The following SNTG1 variants were observed in gnomAD, a reference collection of about 807,000 sequenced individuals.
SNTG1 encodes gamma-1-syntrophin.
SNTG1 carries 39 observed loss-of-function variants against 74.7 expected under a neutral mutation model. The observed-to-expected ratio is 0.52, with a 90% CI of 0.40 to 0.68. SNTG1 has a LOEUF of 0.68. Among genes scored for constraint, SNTG1 ranks in the 30% least tolerant of loss-of-function variants. The probability of loss-of-function intolerance (pLI) is 0.00; values close to 1 mark genes in which losing one functional copy is unlikely to be tolerated. For synonymous variants in SNTG1, 254 were observed against 217.1 expected (o/e 1.17, Z -1.49); for missense variants, 685 against 609.5 (o/e 1.12, Z -1.30).
intron 9 of SNTG1, among the ~76,000 whole-genome samples, chr8:50,507,834 C>G (rs768463563): frequency 5.9e-5 from 9 of 151,792 alleles, no homozygotes; most frequent in Non-Finnish European, 8.8e-5. Context: ...TCCCTTCCCC[C>G]TCCCCACACC....
chr8:50,430,405 C>T (rs1382169674), intron 4 of SNTG1, among the ~76,000 whole-genome samples: 2 of 152,170 alleles, frequency 1.3e-5, no homozygotes, highest in African/African-American at 4.8e-5. Context: ...TTAGCCTCCT[C>T]ATCTTGCTTA....
intron 17 of SNTG1, among the ~76,000 whole-genome samples, chr8:50,714,035 G>A (rs546492924): frequency 4.2e-4 from 63 of 149,594 alleles, no homozygotes; most frequent in African/African-American, 1.5e-3. Flanking sequence ...CTCCAGCCTG[G>A]GTGACAGTGT....
At chr8:50,691,792 G>A (rs1306600802) in intron 15 of SNTG1, among the ~76,000 whole-genome samples, 1 of 151,996 alleles carries the variant, frequency 6.6e-6, no homozygotes, top group Non-Finnish European at 1.5e-5. Flanking sequence ...TTGAATGTTG[G>A]CCTGCCTTGC....
intron 12 of SNTG1, among the ~76,000 whole-genome samples, chr8:50,565,319 T>TG (rs1415489963): frequency 6.6e-6 from 1 of 152,004 alleles, no homozygotes; most frequent in Admixed American, 6.6e-5. Flanking sequence ...GAAAAGAGTA[T>TG]GGACTTTCGT....
chr8:50,625,974 T>C (rs11991826), intron 13 of SNTG1, among the ~76,000 whole-genome samples: 10,001 of 152,192 alleles, frequency 0.066, 901 homozygotes, highest in African/African-American at 0.2. Flanking sequence ...TGGTGGTGGA[T>C]TTTTTTACAC....
intron 15 of SNTG1, among the ~76,000 whole-genome samples, chr8:50,659,569 T>C (rs561694648): frequency 1.3e-5 from 2 of 152,348 alleles, no homozygotes; most frequent in Admixed American, 1.3e-4. Flanking sequence ...AAATTGTTTA[T>C]AGTTTCTGTT....
chr8:50,072,739 T>A (rs1352038757), intron 1 of SNTG1, among the ~76,000 whole-genome samples: 5 of 152,118 alleles, frequency 3.3e-5, no homozygotes, highest in African/African-American at 1.2e-4. Context: ...CAGGCATACC[T>A]CAGGGATATC....
chr8:50,466,631 A>G (rs2093610795), intron 8 of SNTG1, among the ~76,000 whole-genome samples: 1 of 152,048 alleles, frequency 6.6e-6, no homozygotes, highest in Non-Finnish European at 1.5e-5. Flanking sequence ...TGAGAAAATC[A>G]GCATCTAAGC....
At position 50,483,302 on chromosome 8, in the gene SNTG1, T is replaced by C. The variant is rs562066400; in HGVS notation, c.364-19476T>C. 1.3e-3 allele frequency among the ~76,000 whole-genome samples: 199 copies of C among 152,290 alleles called. 2 individuals carry two copies. Among genetic ancestry groups the C allele is most frequent in the African/African-American group, 4.5e-3 (186 of 41,566 alleles). On this transcript the variant is annotated intron_variant, in intron 8 of 18. Coordinates refer to ENST00000642720, the MANE Select transcript of SNTG1 (RefSeq NM_018967.5). ...AGTGACTATGAAGTGATAGAATGGA[T>C]CTATGTATTTTTTTTCATGTATTAA...
chr8:50,273,545 T>C (rs2087905502), intron 2 of SNTG1, among the ~76,000 whole-genome samples: 1 of 152,184 alleles, frequency 6.6e-6, no homozygotes, highest in African/African-American at 2.4e-5. Flanking sequence ...ATTTTAAGCA[T>C]TATGAATAAA....
chr8:50,642,365 C>T (rs990930618), intron 13 of SNTG1, among the ~76,000 whole-genome samples: 4 of 152,140 alleles, frequency 2.6e-5, no homozygotes, highest in East Asian at 3.9e-4. Flanking sequence ...CCAGTCAAAA[C>T]GCACATTAAA....
intron 8 of SNTG1, among the ~76,000 whole-genome samples, chr8:50,496,023 T>C (rs1234689957): frequency 3.3e-5 from 5 of 152,222 alleles, no homozygotes; most frequent in Non-Finnish European, 2.9e-5. Flanking sequence ...TTTCCACGTA[T>C]AGTCAGTATT....
At chr8:50,061,709 T>C (rs1820486860) in intron 1 of SNTG1, among the ~76,000 whole-genome samples, 1 of 152,166 alleles carries the variant, frequency 6.6e-6, no homozygotes, top group Non-Finnish European at 1.5e-5. Flanking sequence ...GAGTTTTATA[T>C]ATTTTTAGAT....
intron 2 of SNTG1, among the ~76,000 whole-genome samples, chr8:50,344,752 C>T (rs1023473420): frequency 7.9e-5 from 12 of 152,314 alleles, no homozygotes; most frequent in African/African-American, 2.9e-4. Flanking sequence ...TTGAGTACTG[C>T]CCCTCTGGTG....
intron 15 of SNTG1, among the ~76,000 whole-genome samples, chr8:50,701,586 C>CTCTTCTTCTTCTTCTTCT: frequency 6.9e-6 from 1 of 145,312 alleles, no homozygotes; most frequent in African/African-American, 2.7e-5. Flanking sequence ...CTTTTTCTTC[C>CTCTTCTTCTTCTTCTTCT]TCTTCTTCTT....
At chr8:50,203,160 C>T (rs917460857) in intron 2 of SNTG1, among the ~76,000 whole-genome samples, 1 of 152,258 alleles carries the variant, frequency 6.6e-6, no homozygotes, top group African/African-American at 2.4e-5. Context: ...TCATTCTTTT[C>T]TTTGCCACGT....
At chr8:50,514,704 A>G (rs1359926703) in intron 9 of SNTG1, among the ~76,000 whole-genome samples, 2 of 152,176 alleles carry the variant, frequency 1.3e-5, no homozygotes, top group African/African-American at 4.8e-5. Context: ...ATATTTTATT[A>G]TTGTTGAGTG....
intron 15 of SNTG1, among the ~76,000 whole-genome samples, chr8:50,671,999 A>T (rs2095285735): frequency 7.2e-6 from 1 of 138,122 alleles, no homozygotes; most frequent in Non-Finnish European, 1.5e-5. Flanking sequence ...AACAATGAGA[A>T]CACATGGACA....
chr8:50,183,734 G>T (rs533204901), intron 2 of SNTG1, among the ~76,000 whole-genome samples: 3 of 152,134 alleles, frequency 2.0e-5, no homozygotes, highest in Admixed American at 6.5e-5. Context: ...TGATGAGTTC[G>T]CCTTCAACTT....
Sources: allele counts gnomAD v4.1 joint callset (sites outside exome capture counted in the v4.1 genomes callset), GRCh38; gene constraint gnomAD v4.1.1; transcripts MANE v1.5; gene names NCBI Gene and HGNC (gene_info 2026-07-23, HGNC 2026-07-21).